WDR7: variants seen among roughly 807,000 people sequenced by gnomAD.
The protein encoded by WDR7 is WD repeat-containing protein 7.
Under a neutral mutation model 169.4 loss-of-function variants are expected in WDR7, and 46 were observed. The ratio of observed to expected loss-of-function variants is 0.27; its 90% CI spans 0.21 to 0.35. The LOEUF (loss-of-function observed/expected upper bound fraction) is 0.35, where lower values mean the gene tolerates loss of function less well. WDR7 is among the 10% of genes least tolerant of loss of function. The pLI is 1.00. For synonymous variants in WDR7, 612 were observed against 666.8 expected, an observed-to-expected ratio of 0.92 and a Z score of 1.27; for missense variants, 1,534 against 1,859.3, an observed-to-expected ratio of 0.83 and a Z score of 3.22.
rs1468107725 is a variant in WDR7 at position 56,682,716 on chromosome 18, G to A, written c.383G>A (p.Arg128Lys). Residue 128 changes from arginine (R) to lysine (K), a missense_variant, in exon 5 of 28, where the codon AGG becomes AAG. Transcript: ENST00000254442. ...QFSVGNQREG[R>K]LLCHGHYPEI... Reference sequence around the variant, plus strand: ...TCTGTTGGGAATCAGCGAGAAGGAAGGCTTTTATGCCACGGACATTACCCT... The same window carrying A: ...TCTGTTGGGAATCAGCGAGAAGGAAAGCTTTTATGCCACGGACATTACCCT... The A allele has an allele frequency of 6.2e-7, 1 of 1,613,710 alleles. No homozygotes were observed. The highest frequency in any genetic ancestry group is 1.7e-5 in the Admixed American group (1 of 59,976).
chr18:56,908,394 ACTT>A (rs1315674602), intron 21 of WDR7, among the ~76,000 whole-genome samples: 2 of 152,228 alleles, frequency 1.3e-5, no homozygotes, highest in African/African-American at 2.4e-5. Flanking sequence ...ATGATTCAGC[ACTT>A]CTTTGATTAC....
intron 16 of WDR7, among the ~76,000 whole-genome samples, chr18:56,765,619 T>G (rs1361126746): frequency 6.6e-6 from 1 of 152,258 alleles, no homozygotes; most frequent in East Asian, 1.9e-4. Context: ...TGATTTGTGT[T>G]TAACAGTAAT....
Position 57,011,282 on chromosome 18 carries a change from A to G in WDR7, c.4165-9463A>G, listed in dbSNP as rs181679657. ...ATGTAGGTAGTGAAAAGCTCTTTCA[A>G]TTCATCAATGTCAGTTTGTCCTCGA... On this transcript the variant is annotated intron_variant, in intron 26 of 27. Coordinates refer to ENST00000254442, the MANE Select transcript of WDR7 (RefSeq NM_015285.3). Among the ~76,000 whole-genome samples, 178 of 152,332 alleles carry G rather than the reference A, an allele frequency of 1.2e-3. 5 individuals carry two copies. Among genetic ancestry groups the G allele is most frequent in the Admixed American group, 0.012 (176 of 15,298 alleles).
chr18:56,691,691 A>G, intron 8 of WDR7, 24 bp from the exon 9 acceptor site: 2 of 1,583,894 alleles, frequency 1.3e-6, no homozygotes, highest in Non-Finnish European at 8.6e-7. Flanking sequence ...TTTTAATTGA[A>G]TATTGTATTT....
At chr18:56,870,027 T>C (rs982613661) in intron 20 of WDR7, among the ~76,000 whole-genome samples, 1 of 152,186 alleles carries the variant, frequency 6.6e-6, no homozygotes, top group Non-Finnish European at 1.5e-5. Context: ...GGGTCCTTTC[T>C]CCCAAGCTGG....
intron 24 of WDR7, 80 bp from the exon 25 acceptor site, chr18:56,939,231 A>G: frequency 9.4e-7 from 1 of 1,061,012 alleles, no homozygotes; most frequent in Non-Finnish European, 1.3e-6. Flanking sequence ...CTATGGGCAA[A>G]TGAGGCCTAA....
In WDR7 at chr18:56,672,446, T is replaced by A. The variant is rs2025156197; in HGVS notation, c.-19-51T>A. ...GGTTTTATAACAAAAATATATAACA[T>A]GTTTTCGAGAGAAATATTGTAATAT... On this transcript the variant is annotated intron_variant, in intron 1 of 27. Transcript: ENST00000254442. 2.4e-6 allele frequency: 3 copies of A among 1,275,576 alleles called. No individual in the cohort carries two copies. The African/African-American group carries it at 4.7e-5, about 20-fold the overall frequency. The allele number at this position is 1,275,576 out of a possible 1,614,324, so 79.0% of individuals were successfully genotyped here.
intron 13 of WDR7, among the ~76,000 whole-genome samples, chr18:56,730,056 AC>A (rs2026548428): frequency 6.6e-6 from 1 of 151,952 alleles, no homozygotes; most frequent in South Asian, 2.1e-4. Flanking sequence ...ATTTGTTAGA[AC>A]TCTGTATTTT....
intron 26 of WDR7, among the ~76,000 whole-genome samples, chr18:56,973,348 T>G (rs562417396): frequency 6.6e-6 from 1 of 152,352 alleles, no homozygotes; most frequent in Non-Finnish European, 1.5e-5. Flanking sequence ...GCAAAAGCAT[T>G]TGATAGGCTA....
At chr18:56,802,601 C>CACG (rs2044697261) in intron 19 of WDR7, among the ~76,000 whole-genome samples, 1 of 151,310 alleles carries the variant, frequency 6.6e-6, no homozygotes, top group Non-Finnish European at 1.5e-5. Flanking sequence ...ATCTCCTGAC[C>CACG]TCGTGATACA....
At chr18:56,710,051 T>C (rs1041449686) in intron 12 of WDR7, among the ~76,000 whole-genome samples, 2 of 146,998 alleles carry the variant, frequency 1.4e-5, no homozygotes, top group African/African-American at 5.1e-5. Context: ...TCACCCAGGC[T>C]GGAGTGCAGT....
intron 20 of WDR7, among the ~76,000 whole-genome samples, chr18:56,861,728 A>C (rs1194128731): frequency 2.0e-5 from 3 of 152,150 alleles, no homozygotes; most frequent in Admixed American, 6.6e-5. Context: ...AGTGAACAGC[A>C]TGTTAAGGTT....
At chr18:56,743,520 C>A (rs1207327996) in intron 14 of WDR7, among the ~76,000 whole-genome samples, 1 of 152,034 alleles carries the variant, frequency 6.6e-6, no homozygotes, top group East Asian at 1.9e-4. Flanking sequence ...TCACTTGTGT[C>A]AAATGCAGTA....
chr18:56,812,455 G>A (rs1475311585), intron 19 of WDR7, among the ~76,000 whole-genome samples: 1 of 152,202 alleles, frequency 6.6e-6, no homozygotes, highest in African/African-American at 2.4e-5. Flanking sequence ...AATAGATAGA[G>A]AGAACAGGGG....
At chr18:56,912,311 A>G (rs186188322) in intron 21 of WDR7, among the ~76,000 whole-genome samples, 2 of 152,216 alleles carry the variant, frequency 1.3e-5, no homozygotes, top group East Asian at 3.9e-4. Flanking sequence ...AACCAGAGAC[A>G]CTCATATCCA....
intron 26 of WDR7, among the ~76,000 whole-genome samples, chr18:56,967,342 G>A (rs951239779): frequency 1.3e-5 from 2 of 152,026 alleles, no homozygotes; most frequent in Admixed American, 6.6e-5. Context: ...GCTGCTGACT[G>A]TGCTTTTACT....
chr18:56,959,867 T>TGGAGGACTGGCTCCAGGAAA (rs1157571215), intron 25 of WDR7, among the ~76,000 whole-genome samples: 6 of 152,126 alleles, frequency 3.9e-5, no homozygotes, highest in Admixed American at 6.6e-5. Flanking sequence ...AGACCCTACA[T>TGGAGGACTGGCTCCAGGAAA]GGAGGACTGG....
At chr18:56,878,073 G>T (rs1236631482) in intron 20 of WDR7, among the ~76,000 whole-genome samples, 1 of 152,068 alleles carries the variant, frequency 6.6e-6, no homozygotes, top group Non-Finnish European at 1.5e-5. Flanking sequence ...AACTAAAAAA[G>T]GGTAGAACTA....
At chr18:56,995,871 A>T (rs1205910599) in intron 26 of WDR7, among the ~76,000 whole-genome samples, 1 of 152,090 alleles carries the variant, frequency 6.6e-6, no homozygotes, top group South Asian at 2.1e-4. Context: ...TGTCATGGAG[A>T]TAGAATGGGG....
Sources: gnomAD v4.1 joint callset for allele counts (sites outside exome capture counted in the v4.1 genomes callset) on GRCh38, gnomAD v4.1.1 for gene constraint, MANE v1.5 for transcripts, NCBI Gene and HGNC (gene_info 2026-07-23, HGNC 2026-07-21) for gene names.